Variants in EPHA6 observed in about 807,000 individuals in gnomAD.
The protein encoded by EPHA6 is EPH receptor A6.
A neutral mutation model predicts 112.0 loss-of-function variants in EPHA6; 50 were observed. The ratio of observed to expected loss-of-function variants is 0.45; its 90% CI spans 0.36 to 0.56. The LOEUF (loss-of-function observed/expected upper bound fraction) is 0.56, where lower values mean the gene tolerates loss of function less well. Ranked by LOEUF, EPHA6 falls within the 20% of genes least tolerant of loss-of-function variation. The pLI, the probability that EPHA6 is intolerant of heterozygous loss-of-function variation, is 0.00. For missense variants in EPHA6, 1,280 were observed against 1,417.4 expected, an observed-to-expected ratio of 0.90 and a Z score of 1.56; for synonymous variants, 529 against 490.7, an observed-to-expected ratio of 1.08 and a Z score of -1.03.
intron 10 of EPHA6, among the ~76,000 whole-genome samples, chr3:97,517,947 A>G (rs1270835683): frequency 6.6e-6 from 1 of 152,146 alleles, no homozygotes; most frequent in Non-Finnish European, 1.5e-5. Flanking sequence ...GGAGAATAGT[A>G]CTCCAATGTG....
intron 11 of EPHA6, among the ~76,000 whole-genome samples, chr3:97,564,890 C>A (rs951813294): frequency 6.6e-6 from 1 of 152,116 alleles, no homozygotes; most frequent in Non-Finnish European, 1.5e-5. Context: ...AAGTAAATAT[C>A]TGGCATATAT....
chr3:97,416,139 GA>G (rs1280387613), intron 6 of EPHA6, among the ~76,000 whole-genome samples: 1 of 151,632 alleles, frequency 6.6e-6, no homozygotes, highest in Non-Finnish European at 1.5e-5. Context: ...TTTTAATATA[GA>G]AAAAAAGTAG....
rs1260884981 is a variant in EPHA6, at chr3:96,913,191, CACACACACACACACACACACACCACA to C, written c.450+46303_450+46328del. ...ACACACACACACACACACACACACA[CACACACACACACACACACACACCACA>C]CACACGGGCATGGTGACACATACCT... On this transcript the variant is annotated intron_variant, in intron 2 of 17. Transcript: ENST00000389672. 2.9e-5 allele frequency among the ~76,000 whole-genome samples: 4 copies of C among 137,920 alleles called. No homozygotes were observed. The East Asian group carries it at 9.7e-4, about 34-fold the overall frequency. The allele number at this position is 137,920 out of a possible 152,430, so 90.5% of individuals were successfully genotyped here. A position where few individuals can be genotyped will look rare whatever the true frequency, so the allele number is the denominator to read the frequency against.
chr3:97,225,901 G>T (rs180973129), intron 3 of EPHA6, among the ~76,000 whole-genome samples: 89 of 152,272 alleles, frequency 5.8e-4, no homozygotes, highest in Non-Finnish European at 1.1e-3. Context: ...GTTATTTAAT[G>T]CCTTCTCTGA....
intron 10 of EPHA6, among the ~76,000 whole-genome samples, chr3:97,493,163 T>C (rs971043079): frequency 5.3e-5 from 8 of 152,180 alleles, no homozygotes; most frequent in Non-Finnish European, 1.2e-4. Flanking sequence ...TATGTGTGTG[T>C]GTATGTATAC....
intron 3 of EPHA6, among the ~76,000 whole-genome samples, chr3:97,061,322 C>T (rs1354656167): frequency 6.6e-6 from 1 of 152,116 alleles, no homozygotes; most frequent in Non-Finnish European, 1.5e-5. Flanking sequence ...GAGGTACATA[C>T]GGGGAAATGG....
chr3:96,974,157 TA>T (rs1191646553), intron 2 of EPHA6, among the ~76,000 whole-genome samples: 1 of 146,748 alleles, frequency 6.8e-6, no homozygotes, highest in East Asian at 1.9e-4. Flanking sequence ...AATAATGTAT[TA>T]AAATTGTATT....
chr3:97,657,483 A>G (rs1048878597), intron 14 of EPHA6, among the ~76,000 whole-genome samples: 1 of 151,852 alleles, frequency 6.6e-6, no homozygotes, highest in Non-Finnish European at 1.5e-5. Flanking sequence ...TACTACAGAC[A>G]TAATATGGTA....
intron 5 of EPHA6, among the ~76,000 whole-genome samples, chr3:97,349,487 A>G (rs181853798): frequency 1.3e-3 from 201 of 152,260 alleles, no homozygotes; most frequent in South Asian, 3.1e-3. Context: ...TGTGAAAAAC[A>G]ATAGCAACTC....
chr3:97,321,853 G>T (rs1418148150), intron 5 of EPHA6, among the ~76,000 whole-genome samples: 1 of 152,018 alleles, frequency 6.6e-6, no homozygotes, highest in Admixed American at 6.6e-5. Flanking sequence ...GGCAGGACAG[G>T]CTATCTTAAT....
At chr3:97,339,314 C>A (rs76680220) in intron 5 of EPHA6, among the ~76,000 whole-genome samples, 2,399 of 152,286 alleles carry the variant, frequency 0.016, 61 homozygotes, top group African/African-American at 0.052. Context: ...TATACAAAAT[C>A]CAGCACTTAG....
chr3:97,085,495 G>C (rs1200314161), intron 3 of EPHA6, among the ~76,000 whole-genome samples: 1 of 152,100 alleles, frequency 6.6e-6, no homozygotes, highest in East Asian at 1.9e-4. Flanking sequence ...AAGTTACTTT[G>C]GGGGTACTAG....
intron 10 of EPHA6, among the ~76,000 whole-genome samples, chr3:97,502,318 A>G (rs1577594755): frequency 6.6e-6 from 1 of 151,464 alleles, no homozygotes; most frequent in African/African-American, 2.4e-5. Flanking sequence ...ACAGGTGCAC[A>G]CCATCACATC....
chr3:97,397,696 T>C (rs754609235), intron 5 of EPHA6, among the ~76,000 whole-genome samples: 1 of 151,578 alleles, frequency 6.6e-6, no homozygotes, highest in Non-Finnish European at 1.5e-5. Context: ...CAAAACTTTA[T>C]GCATGAACCG....
At chr3:97,332,525 A>T (rs536826652) in intron 5 of EPHA6, among the ~76,000 whole-genome samples, 48 of 152,266 alleles carry the variant, frequency 3.2e-4, no homozygotes, top group African/African-American at 1.2e-3. Context: ...TCTCAGCCCA[A>T]AATCTCCTTA....
chr3:97,254,159 A>AATAT (rs147551406), intron 5 of EPHA6, among the ~76,000 whole-genome samples: 8 of 149,216 alleles, frequency 5.4e-5, no homozygotes, highest in African/African-American at 1.7e-4. Flanking sequence ...ATGCAACTCA[A>AATAT]ATATATATAT....
intron 5 of EPHA6, among the ~76,000 whole-genome samples, chr3:97,324,526 T>TC (rs1373956843): frequency 2.8e-5 from 3 of 108,744 alleles, no homozygotes; most frequent in Non-Finnish European, 5.5e-5. Context: ...TCTTTCTTTC[T>TC]TTCTTTCTCT....
intron 10 of EPHA6, among the ~76,000 whole-genome samples, chr3:97,497,353 C>G (rs1483709460): frequency 6.6e-6 from 1 of 152,162 alleles, no homozygotes; most frequent in Admixed American, 6.5e-5. Context: ...AACTAGGAAG[C>G]TCTTAGCTCC....
At chr3:96,976,200 T>A (rs1293734799) in intron 2 of EPHA6, among the ~76,000 whole-genome samples, 2 of 152,124 alleles carry the variant, frequency 1.3e-5, no homozygotes, top group Middle Eastern at 3.2e-3. Flanking sequence ...TGTCTAAAAG[T>A]GTATGCATAT....
Sources: gnomAD v4.1 joint callset for allele counts (sites outside exome capture counted in the v4.1 genomes callset) on GRCh38, gnomAD v4.1.1 for gene constraint, MANE v1.5 for transcripts, NCBI Gene and HGNC (gene_info 2026-07-23, HGNC 2026-07-21) for gene names.